Variants in PAX5 observed in about 807,000 individuals in gnomAD.
PAX5 encodes the protein paired box 5.
In PAX5, 9 loss-of-function variants were observed where a neutral mutation model predicts 43.7. That is an observed-to-expected ratio of 0.21 (90% CI 0.12 to 0.36). The LOEUF is 0.36. Ranked by LOEUF, PAX5 falls within the 10% of genes least tolerant of loss-of-function variation. The pLI is 1.00. For missense variants in PAX5, 383 were observed against 532.7 expected (o/e 0.72, Z 2.77); for synonymous variants, 228 against 214.3 (o/e 1.06, Z -0.56).
At chr9:36,890,555 C>T (rs1447833070) in intron 7 of PAX5, among the ~76,000 whole-genome samples, 1 of 152,156 alleles carries the variant, frequency 6.6e-6, no homozygotes, top group Non-Finnish European at 1.5e-5. Context: ...GTTTCTGGGC[C>T]TTGGTTATCT....
At chr9:37,009,586 TAGAA>T (rs2132441458) in intron 3 of PAX5, among the ~76,000 whole-genome samples, 1 of 152,058 alleles carries the variant, frequency 6.6e-6, no homozygotes, top group Non-Finnish European at 1.5e-5. Flanking sequence ...TGCAAAAAAA[TAGAA>T]AGAATGAATA....
At chr9:36,860,161 A>C (rs1824069316) in intron 8 of PAX5, among the ~76,000 whole-genome samples, 1 of 151,966 alleles carries the variant, frequency 6.6e-6, no homozygotes, top group African/African-American at 2.4e-5. Context: ...ACATGGTGAA[A>C]TCCTATCTCT....
chr9:36,986,746 G>A (rs1372069972), intron 5 of PAX5, among the ~76,000 whole-genome samples: 2 of 152,200 alleles, frequency 1.3e-5, no homozygotes, highest in East Asian at 1.9e-4. Flanking sequence ...CCTCCCCGCA[G>A]GGACCTCGGC....
At chr9:36,855,316 C>G (rs778371823) in intron 8 of PAX5, among the ~76,000 whole-genome samples, 5 of 152,224 alleles carry the variant, frequency 3.3e-5, no homozygotes, top group Non-Finnish European at 5.9e-5. Context: ...GTACTTGCCT[C>G]CAAGGCTGAC....
intron 6 of PAX5, among the ~76,000 whole-genome samples, chr9:36,925,201 G>A (rs998564150): frequency 6.6e-6 from 1 of 152,150 alleles, no homozygotes; most frequent in African/African-American, 2.4e-5. Context: ...TGGCAGCAGC[G>A]AGTCCAGGAG....
At chr9:36,929,898 G>A (rs1178836382) in intron 6 of PAX5, among the ~76,000 whole-genome samples, 2 of 152,124 alleles carry the variant, frequency 1.3e-5, no homozygotes, top group African/African-American at 2.4e-5. Context: ...GCTCATTTTT[G>A]TATTTTGAGT....
At chr9:36,897,853 T>C (rs769730998) in intron 7 of PAX5, among the ~76,000 whole-genome samples, 1 of 152,190 alleles carries the variant, frequency 6.6e-6, no homozygotes, top group Non-Finnish European at 1.5e-5. Flanking sequence ...GCCAGCATCT[T>C]CTTGGGCTCT....
At chr9:36,930,216 CTTTTTTTTTT>C (rs144710055) in intron 6 of PAX5, among the ~76,000 whole-genome samples, 2 of 85,524 alleles carry the variant, frequency 2.3e-5, no homozygotes, top group African/African-American at 9.4e-5. Context: ...GATGGATGTC[CTTTTTTTTTT>C]TTTTTTTTTT....
intron 8 of PAX5, among the ~76,000 whole-genome samples, chr9:36,849,132 T>C (rs887285818): frequency 6.6e-5 from 10 of 152,222 alleles, no homozygotes; most frequent in African/African-American, 2.4e-4. Flanking sequence ...TACGTGGGCA[T>C]GCTTGGCCCT....
intron 7 of PAX5, among the ~76,000 whole-genome samples, chr9:36,899,469 C>T (rs956803558): frequency 1.3e-5 from 2 of 152,208 alleles, no homozygotes; most frequent in Non-Finnish European, 2.9e-5. Flanking sequence ...ACTCAGAAAA[C>T]ATCTCCCAGG....
At chr9:37,008,237 A>G (rs1274404413) in intron 3 of PAX5, among the ~76,000 whole-genome samples, 2 of 152,054 alleles carry the variant, frequency 1.3e-5, no homozygotes, top group Non-Finnish European at 2.9e-5. Flanking sequence ...TATTTTTAGT[A>G]AAGAAGAGGT....
rs1835539797 is a variant in PAX5 at position 36,977,497 on chromosome 9, CTTTTTTTGTTTGTTTTTTTTGGGG to C, written c.605-10797_605-10774del. Among the ~76,000 whole-genome samples, 5 of 151,862 alleles carry C rather than the reference CTTTTTTTGTTTGTTTTTTTTGGGG, an allele frequency of 3.3e-5. No homozygotes were observed. The South Asian group carries it at 1.0e-3, about 32-fold the overall frequency. ...AAGAAAGGCCCCCTGTAGCCCGAGT[CTTTTTTTGTTTGTTTTTTTTGGGG>C]TTTTTTTGTTTTGTTTTGTTTTTGT... is the stretch of plus-strand genomic sequence containing the variant. On this transcript the variant is annotated intron_variant, in intron 5 of 9. Transcript: ENST00000358127.
At chr9:36,978,490 C>T (rs1835640484) in intron 5 of PAX5, among the ~76,000 whole-genome samples, 1 of 147,840 alleles carries the variant, frequency 6.8e-6, no homozygotes, top group Non-Finnish European at 1.5e-5. Flanking sequence ...TCTCTCCCAT[C>T]CCCCACTGCA....
chr9:36,866,679 G>T (rs1350584850), intron 8 of PAX5, among the ~76,000 whole-genome samples: 1 of 152,114 alleles, frequency 6.6e-6, no homozygotes. Context: ...AGGAACTGAG[G>T]GGGGTGGGGA....
chr9:36,948,795 C>T (rs957604706), intron 6 of PAX5, among the ~76,000 whole-genome samples: 7 of 151,948 alleles, frequency 4.6e-5, no homozygotes, highest in African/African-American at 1.2e-4. Flanking sequence ...CACTTTGTCT[C>T]CCTGCGCAAA....
chr9:36,944,877 C>T (rs1003677987), intron 6 of PAX5, among the ~76,000 whole-genome samples: 6 of 152,184 alleles, frequency 3.9e-5, no homozygotes, highest in Non-Finnish European at 5.9e-5. Context: ...TATTTCTAAC[C>T]GGGGACCGGA....
At chr9:36,991,727 A>G (rs879877549) in intron 5 of PAX5, among the ~76,000 whole-genome samples, 1 of 152,146 alleles carries the variant, frequency 6.6e-6, no homozygotes, top group Admixed American at 6.5e-5. Context: ...AACCCTGGAC[A>G]GCAACTAAGC....
intron 8 of PAX5, among the ~76,000 whole-genome samples, chr9:36,869,943 G>GATGGATGGATAGATGGATAA (rs1825305122): frequency 1.5e-5 from 2 of 136,744 alleles, no homozygotes; most frequent in African/African-American, 3.0e-5. Flanking sequence ...TGGATAAATG[G>GATGGATGGATAGATGGATAA]ATGGATGGAT....
chr9:37,029,339 A>G (rs1192238486), intron 1 of PAX5, among the ~76,000 whole-genome samples: 1 of 152,158 alleles, frequency 6.6e-6, no homozygotes, highest in African/African-American at 2.4e-5. Context: ...TTCCACACCC[A>G]GCTGTCCCTG....
Sources: allele counts gnomAD v4.1 joint callset (sites outside exome capture counted in the v4.1 genomes callset), GRCh38; gene constraint gnomAD v4.1.1; transcripts MANE v1.5; gene names NCBI Gene and HGNC (gene_info 2026-07-23, HGNC 2026-07-21).